DRP2: variants seen among roughly 807,000 people sequenced by gnomAD.
DRP2 encodes dystrophin related protein 2, also known as dystrophin-related protein 2.
A neutral mutation model predicts 78.2 loss-of-function variants in DRP2; 29 were observed. The ratio of observed to expected loss-of-function variants is 0.37; its 90% CI spans 0.28 to 0.51. The LOEUF (loss-of-function observed/expected upper bound fraction) is 0.51. Among genes scored for constraint, DRP2 ranks in the 20% least tolerant of loss-of-function variants. DRP2 has a pLI of 0.94. For synonymous variants in DRP2, 290 were observed against 281.9 expected (o/e 1.03, Z -0.29); for missense variants, 686 against 770.6 (o/e 0.89, Z 1.30).
rs764536529 is a variant in DRP2 at position 101,235,937 on chromosome X, C to A, written c.195C>A (p.Asn65Lys). 1 of 1,211,756 alleles carries A rather than the reference C, an allele frequency of 8.3e-7. No homozygotes were observed. The highest frequency in any genetic ancestry group is 1.1e-6 in the Non-Finnish European group (1 of 895,351). The change falls in exon 4 of 24, where the codon AAC (asparagine) becomes AAA (lysine). Residue 65 changes from asparagine (N) to lysine (K), a missense_variant. Physicochemically the swap from Asn to Lys is moderately conservative, Grantham distance 94. This residue lies in a region of DRP2 where 263 missense variants were observed against 239.1 expected (regional missense o/e 1.10). Transcript: ENST00000395209. ...CCTGCCTAAGCCTAAAGCTGTTGAA[C>A]GGGTCTGTTGGTGCCTCTGGACCCC... is the stretch of plus-strand genomic sequence containing the variant. ...GVPCLSLKLLNGSVGASGPLE... is the reference protein window; with the variant it reads ...GVPCLSLKLLKGSVGASGPLE...
intron 3 of DRP2, among the ~76,000 whole-genome samples, chrX:101,234,371 G>T (rs1480171456): frequency 8.8e-6 from 1 of 113,359 alleles, no homozygotes; most frequent in Non-Finnish European, 1.9e-5. Flanking sequence ...TTGCCAGCCT[G>T]AGAGGGCCAT....
chrX:101,225,286 C>T (rs1431282328), intron 2 of DRP2, among the ~76,000 whole-genome samples: 1 of 111,167 alleles, frequency 9.0e-6, no homozygotes. Flanking sequence ...AAATTGTCTC[C>T]ATTGTATCCA....
chrX:101,229,888 G>A (rs1183483705), intron 2 of DRP2, among the ~76,000 whole-genome samples: 2 of 111,839 alleles, frequency 1.8e-5, no homozygotes, highest in Non-Finnish European at 3.8e-5. Context: ...ACTAAGCTTA[G>A]CTCTTTACAT....
chrX:101,226,170 A>T (rs1922111766), intron 2 of DRP2, among the ~76,000 whole-genome samples: 1 of 112,171 alleles, frequency 8.9e-6, no homozygotes, highest in African/African-American at 3.2e-5. Flanking sequence ...GCATATAAAG[A>T]GTTCTTAATT....
intron 1 of DRP2, among the ~76,000 whole-genome samples, 197 bp from the exon 2 acceptor site, chrX:101,224,406 CA>C (rs1556416832): frequency 0.38 from 467 of 1,218 alleles, 5 homozygotes; most frequent in African/African-American, 0.51. Flanking sequence ...AAAAAAAAAA[CA>C]AAAAAAAGCC....
Position 101,237,678 on chromosome X carries a change from T to A in DRP2, c.341T>A (p.Ile114Asn). Residue 114 changes from isoleucine (I) to asparagine (N), a missense_variant, in exon 5 of 24, where the codon ATT becomes AAT. Around this residue, in one of 2 missense-constraint regions of DRP2, gnomAD observed 263 missense variants for 239.1 expected, o/e 1.10. Transcript: ENST00000395209. ...AAGCTTCAGCTCCCTCTTCAAGAGATTATTGACTGGCTCAGCCAAAAGGAT... is the reference window on the plus strand; with the variant it reads ...AAGCTTCAGCTCCCTCTTCAAGAGAATATTGACTGGCTCAGCCAAAAGGAT... ...SGKLQLPLQE[I>N]IDWLSQKDEE... is the part of the protein sequence containing the mutation. 8.5e-7 allele frequency: 1 copy of A among 1,177,704 alleles called. No homozygotes were observed. The highest frequency in any genetic ancestry group is 1.1e-6 in the Non-Finnish European group (1 of 874,160).
At chrX:101,231,318 C>A (rs1201605915) in intron 2 of DRP2, among the ~76,000 whole-genome samples, 1 of 112,181 alleles carries the variant, frequency 8.9e-6, no homozygotes, top group African/African-American at 3.2e-5. Context: ...ATGACTGCCT[C>A]CCCTACCCAT....
In DRP2 at chrX:101,237,707, G is replaced by C. The variant is rs751689717; in HGVS notation, c.370G>C (p.Glu124Gln). ...IIDWLSQKDE[E>Q]LSAQLPLQGD... ...TGACTGGCTCAGCCAAAAGGATGAG[G>C]AGTTGTCAGCTCAGCTGCCCCTACA... The change falls in exon 5 of 24, where the codon GAG (glutamate) becomes CAG (glutamine). Residue 124 changes from glutamate to glutamine, a missense_variant. Coordinates refer to ENST00000395209, the MANE Select transcript of DRP2 (RefSeq NM_001939.3). 6.8e-6 allele frequency: 8 copies of C among 1,179,621 alleles called. No individual in the cohort carries two copies. The highest frequency in any genetic ancestry group is 2.2e-5 in the Admixed American group (1 of 44,553).
At chrX:101,224,946 A>G (rs1239541839) in intron 2 of DRP2, among the ~76,000 whole-genome samples, 3 of 112,460 alleles carry the variant, frequency 2.7e-5, no homozygotes, top group African/African-American at 9.7e-5. Context: ...ATACTGCAGC[A>G]AACATCTTTG....
At chrX:101,224,220 T>C (rs1401105103) in intron 1 of DRP2, among the ~76,000 whole-genome samples, 3 of 83,993 alleles carry the variant, frequency 3.6e-5, no homozygotes, top group African/African-American at 9.2e-5. Context: ...TTTTTTTTTT[T>C]TGAGATGGAG....
rs1956729683 is a variant in DRP2 at position 101,261,583 on chromosome X, T to C, written c.*962T>C. On this transcript the variant is annotated 3_prime_UTR_variant, in exon 24 of 24. Transcript: ENST00000395209. ...TGCCATCCAACACCCTTCCAGGCTG[T>C]GACCCTTCTAGCTCTCAGGCTGAAT... The C allele has an allele frequency of 9.0e-6, 1 of 111,545 alleles. No homozygotes were observed. The highest frequency in any genetic ancestry group is 3.3e-5 in the African/African-American group (1 of 30,648). The allele number at this position is 111,545 out of a possible 1,213,427, so 9.2% of individuals were successfully genotyped here.
chrX:101,254,213 C>G (rs1923254709), intron 17 of DRP2, among the ~76,000 whole-genome samples: 1 of 110,579 alleles, frequency 9.0e-6, no homozygotes, highest in African/African-American at 3.3e-5. Flanking sequence ...GTCTCCTCAC[C>G]CTGGCCCCCA....
At chrX:101,250,178 C>G (rs1923078343) in intron 14 of DRP2, among the ~76,000 whole-genome samples, 1 of 111,289 alleles carries the variant, frequency 9.0e-6, no homozygotes, top group Admixed American at 9.5e-5. Context: ...CTTTCTCTCT[C>G]TGTCTCCCCC....
In DRP2 at chrX:101,254,311, G is replaced by A. The variant is rs566850230; in HGVS notation, c.1978-114G>A. The A allele has an allele frequency of 2.7e-3, 2,540 of 935,316 alleles. 4 individuals carry two copies. The highest frequency in any genetic ancestry group is 6.0e-3 in the Middle Eastern group (17 of 2,816). 77.1% of individuals were successfully genotyped at this position (935,316 alleles called of 1,213,427 possible). A position where few individuals can be genotyped will look rare whatever the true frequency, so the allele number is the denominator to read the frequency against. On this transcript the variant is annotated intron_variant, in intron 17 of 23. Transcript: ENST00000395209. Reference sequence around the variant, plus strand: ...TTCTTCTAGGAGCAGGGTATGGTGGGCATGAGCAAGAGTGGATTACCCAGC... The same window carrying A: ...TTCTTCTAGGAGCAGGGTATGGTGGACATGAGCAAGAGTGGATTACCCAGC...
chrX:101,247,168 C>A lies in DRP2; in HGVS notation c.1252+4C>A. On this transcript the variant is annotated splice_donor_region_variant and intron_variant, in intron 12 of 23. Transcript: ENST00000395209. Reference sequence around the variant, plus strand: ...AGAGTCCAGAAAGCCCTGCGCTGTACGTCTCCTGTTGTACTTCCCTATGAC... The same window carrying A: ...AGAGTCCAGAAAGCCCTGCGCTGTAAGTCTCCTGTTGTACTTCCCTATGAC... 1 of 1,202,681 alleles carries A rather than the reference C, an allele frequency of 8.3e-7. No homozygotes were observed. The highest frequency in any genetic ancestry group is 1.1e-6 in the Non-Finnish European group (1 of 889,397).
At chrX:101,243,873 A>G (rs919648325) in intron 9 of DRP2, among the ~76,000 whole-genome samples, 14 of 111,853 alleles carry the variant, frequency 1.3e-4, no homozygotes, top group Admixed American at 2.9e-4. Flanking sequence ...GAAGGTGGCA[A>G]TTGAGCAGAG....
In DRP2 at chrX:101,248,178, A is replaced by G; in HGVS notation, c.1342A>G (p.Ile448Val). 8.3e-7 allele frequency: 1 copy of G among 1,211,565 alleles called. No homozygotes were observed. Reference sequence around the variant, plus strand: ...GCACGTGATGGATGTGGTAGAGGTCATTCACTGCCTGACTGCCTTATATGA... The same window carrying G: ...GCACGTGATGGATGTGGTAGAGGTCGTTCACTGCCTGACTGCCTTATATGA... Reference protein sequence around the residue: ...SEHVMDVVEVIHCLTALYERL... With the variant: ...SEHVMDVVEVVHCLTALYERL... The change falls in exon 13 of 24, where the codon ATT becomes GTT. Residue 448 changes from isoleucine (I) to valine (V), a missense_variant. Physicochemically the swap from Ile to Val is conservative, Grantham distance 29 (BLOSUM62 3). Around this residue, in one of 2 missense-constraint regions of DRP2, gnomAD observed 423 missense variants for 531.5 expected, o/e 0.80. Transcript: ENST00000395209.
chrX:101,235,049 G>A (rs1922446253), intron 3 of DRP2, among the ~76,000 whole-genome samples: 1 of 110,837 alleles, frequency 9.0e-6, no homozygotes, highest in South Asian at 3.9e-4. Context: ...TTCTGACACT[G>A]TTCTATAGGT....
At chrX:101,248,404 G>T (rs1353988232) in intron 13 of DRP2, 110 bp from the exon 14 acceptor site, 17 of 1,108,083 alleles carry the variant, frequency 1.5e-5, no homozygotes, top group Non-Finnish European at 2.1e-5. Flanking sequence ...TCAGCTTGGG[G>T]CATGGTTGGA....
Sources: allele counts gnomAD v4.1 joint callset (sites outside exome capture counted in the v4.1 genomes callset), GRCh38; gene constraint gnomAD v4.1.1; regional missense constraint gnomAD v4.1.1; transcripts MANE v1.5; gene names NCBI Gene and HGNC (gene_info 2026-07-23, HGNC 2026-07-21).